Variants in MED13 observed in about 807,000 individuals in gnomAD.
MED13 encodes mediator of RNA polymerase II transcription subunit 13.
A neutral mutation model predicts 225.2 loss-of-function variants in MED13; 23 were observed. That is an observed-to-expected ratio of 0.10 (90% CI 0.07 to 0.14). The LOEUF (loss-of-function observed/expected upper bound fraction) is 0.14, where lower values mean the gene tolerates loss of function less well. MED13 is among the 10% of genes least tolerant of loss of function. MED13 has a pLI of 1.00. For synonymous variants in MED13, 942 were observed against 889.2 expected (o/e 1.06, Z -1.06); for missense variants, 2,197 against 2,594.5 (o/e 0.85, Z 3.33).
intron 9 of MED13, among the ~76,000 whole-genome samples, chr17:61,996,064 A>T (rs1360005390): frequency 6.6e-6 from 1 of 152,116 alleles, no homozygotes; most frequent in Non-Finnish European, 1.5e-5. Context: ...ATGACAGGAG[A>T]TGACAGAATA....
At position 61,945,066 on chromosome 17, in the gene MED13, TAC is replaced by T. The variant is rs946898244; in HGVS notation, c.*1400_*1401del. The T allele has an allele frequency of 3.9e-5, 6 of 152,564 alleles. No individual in the cohort carries two copies. The highest frequency in any genetic ancestry group is 1.4e-4 in the African/African-American group (6 of 41,416). The allele number at this position is 152,564 out of a possible 1,614,324, so 9.5% of individuals were successfully genotyped here. ...TAATCTGAGCTGTGTTATAGAAAAGTACAGACTCTGGTGTTTGGGACTGACAT... is the reference window on the plus strand; with the variant it reads ...TAATCTGAGCTGTGTTATAGAAAAGTAGACTCTGGTGTTTGGGACTGACAT... On this transcript the variant is annotated 3_prime_UTR_variant, in exon 30 of 30. Coordinates refer to ENST00000397786, the MANE Select transcript of MED13 (RefSeq NM_005121.3).
intron 8 of MED13, among the ~76,000 whole-genome samples, chr17:62,023,830 T>C (rs2080673395): frequency 6.6e-6 from 1 of 152,168 alleles, no homozygotes; most frequent in Admixed American, 6.5e-5. Context: ...AGAAATAAGC[T>C]AGATTTGTGG....
intron 3 of MED13, among the ~76,000 whole-genome samples, chr17:62,039,483 A>G (rs2080834305): frequency 6.6e-6 from 1 of 151,426 alleles, no homozygotes; most frequent in African/African-American, 2.4e-5. Context: ...GGGTTTTACC[A>G]TGTTGGCCAG....
At chr17:62,042,755 A>G (rs182467747) in intron 3 of MED13, among the ~76,000 whole-genome samples, 5 of 152,166 alleles carry the variant, frequency 3.3e-5, no homozygotes, top group Admixed American at 3.3e-4. Flanking sequence ...TCCATAATCT[A>G]CCTCATATTT....
At position 61,986,998 on chromosome 17, in the gene MED13, G is replaced by A. The variant is rs375315350; in HGVS notation, c.2385+9C>T. 9.2e-6 allele frequency: 14 copies of A among 1,525,482 alleles called. No individual in the cohort carries two copies. Among genetic ancestry groups the A allele is most frequent in the Non-Finnish European group, 1.2e-5 (14 of 1,135,646 alleles). The allele number at this position is 1,525,482 out of a possible 1,614,324, so 94.5% of individuals were successfully genotyped here. On this transcript the variant is annotated intron_variant, in intron 12 of 29. Coordinates refer to ENST00000397786, the MANE Select transcript of MED13 (RefSeq NM_005121.3). ...AAATTATAATCCTATTCATTAATGA[G>A]ATACTCACTGTTAGTTCATCTTCAT...
Position 61,951,009 on chromosome 17 carries a change from C to T in MED13, c.6118-11G>A. On this transcript the variant is annotated splice_polypyrimidine_tract_variant and intron_variant, in intron 27 of 29. Coordinates refer to ENST00000397786, the MANE Select transcript of MED13 (RefSeq NM_005121.3). ...ATCAGTACTCTGACCCTTAAAAAGA[C>T]AAAATTAAAAGTATATTAGTTCACT... 1 of 1,601,112 alleles carries T rather than the reference C, an allele frequency of 6.2e-7. No individual in the cohort carries two copies. The highest frequency in any genetic ancestry group is 1.3e-5 in the African/African-American group (1 of 74,518).
At chr17:62,022,825 C>T (rs1368696783) in intron 8 of MED13, among the ~76,000 whole-genome samples, 1 of 152,038 alleles carries the variant, frequency 6.6e-6, no homozygotes, top group African/African-American at 2.4e-5. Flanking sequence ...GCCTGGGCAA[C>T]ATAGCATGAC....
intron 10 of MED13, among the ~76,000 whole-genome samples, chr17:61,993,491 A>G (rs2080320332): frequency 2.0e-5 from 3 of 151,318 alleles, no homozygotes. Flanking sequence ...CGTGAGACAC[A>G]GCACCCAGCC....
intron 10 of MED13, among the ~76,000 whole-genome samples, chr17:61,993,986 A>T (rs76511454): frequency 6.6e-6 from 1 of 151,702 alleles, no homozygotes; most frequent in East Asian, 1.9e-4. Flanking sequence ...GATCCTTTTC[A>T]TAACTTTACA....
intron 3 of MED13, among the ~76,000 whole-genome samples, chr17:62,047,881 T>C (rs1425338020): frequency 6.6e-6 from 1 of 151,736 alleles, no homozygotes; most frequent in Admixed American, 6.6e-5. Flanking sequence ...TGAGCCTATA[T>C]TTTCAATTAT....
At chr17:61,959,078 A>T (rs1419250473) in intron 23 of MED13, among the ~76,000 whole-genome samples, 3 of 151,570 alleles carry the variant, frequency 2.0e-5, no homozygotes. Flanking sequence ...ATCTCGGCTC[A>T]CTGCAACCTC....
At chr17:62,043,156 C>CAAAAAAAA (rs764530614) in intron 3 of MED13, among the ~76,000 whole-genome samples, 147 of 31,646 alleles carry the variant, frequency 4.6e-3, no homozygotes, top group Non-Finnish European at 5.2e-3. Flanking sequence ...ACCCTGTCTC[C>CAAAAAAAA]AAAAAAAAAA....
chr17:61,965,440 G>A lies in MED13; in HGVS notation c.4410C>T (p.Asp1470=), dbSNP rs765907951. 12 of 1,613,594 alleles carry A rather than the reference G, an allele frequency of 7.4e-6. No homozygotes were observed. The highest frequency in any genetic ancestry group is 1.0e-5 in the Non-Finnish European group (12 of 1,179,678). ...LGPYLASLPL[D]SSLLSQPNLV... is the part of the protein sequence containing the mutation. ...AATTTGGCTGGGAAAGTAGAGAGCT[G>A]TCCAATGGCAGGGAAGCAAGATAAG... Residue 1470 remains aspartate, a synonymous_variant, in exon 20 of 30, where the codon GAC becomes GAT. Coordinates refer to ENST00000397786, the MANE Select transcript of MED13 (RefSeq NM_005121.3).
chr17:62,048,056 A>ATATG (rs1555644451), intron 3 of MED13, among the ~76,000 whole-genome samples: 14 of 145,152 alleles, frequency 9.6e-5, no homozygotes, highest in Admixed American at 2.1e-4. Context: ...ATATATATAT[A>ATATG]TATATATGTA....
chr17:61,955,547 C>T lies in MED13; in HGVS notation c.5803G>A (p.Val1935Ile). Reference protein sequence around the residue: ...IMPDSVSTGSVFGRSTTLNMQ... With the variant: ...IMPDSVSTGSIFGRSTTLNMQ... ...TTTAGAGTCGTGCTTCTTCCAAATA[C>T]AGAACCAGTTGACACAGAATCTGAA... is the stretch of plus-strand genomic sequence containing the variant. Residue 1935 changes from valine to isoleucine, a missense_variant, in exon 26 of 30, where the codon GTA becomes ATA. Coordinates refer to ENST00000397786, the MANE Select transcript of MED13 (RefSeq NM_005121.3). 3 of 1,565,578 alleles carry T rather than the reference C, an allele frequency of 1.9e-6. No individual in the cohort carries two copies. The highest frequency in any genetic ancestry group is 2.6e-6 in the Non-Finnish European group (3 of 1,162,076).
chr17:62,065,073 TC>T, intron 1 of MED13, 66 bp downstream of exon 1: 2 of 1,316,314 alleles, frequency 1.5e-6, no homozygotes, highest in South Asian at 1.4e-5. Context: ...CCCGGCCCCC[TC>T]CCCCACGGCC....
intron 27 of MED13, among the ~76,000 whole-genome samples, chr17:61,951,859 C>G (rs899205264): frequency 1.3e-5 from 2 of 152,030 alleles, no homozygotes; most frequent in Non-Finnish European, 2.9e-5. Context: ...AATTTTATAC[C>G]TATGCATACT....
intron 3 of MED13, among the ~76,000 whole-genome samples, chr17:62,050,868 G>A (rs549134774): frequency 7.9e-5 from 12 of 152,118 alleles, no homozygotes; most frequent in Non-Finnish European, 1.6e-4. Flanking sequence ...AGCCAGGTGT[G>A]GTGGCACACG....
intron 12 of MED13, among the ~76,000 whole-genome samples, chr17:61,986,766 T>C (rs113420957): frequency 1.3e-5 from 2 of 152,268 alleles, no homozygotes; most frequent in African/African-American, 2.4e-5. Context: ...AGGTTAATCA[T>C]GTGTCCCCCA....
Sources: allele counts gnomAD v4.1 joint callset (sites outside exome capture counted in the v4.1 genomes callset), GRCh38; gene constraint gnomAD v4.1.1; transcripts MANE v1.5; gene names NCBI Gene and HGNC (gene_info 2026-07-23, HGNC 2026-07-21).